The following CSMD2 variants were observed in gnomAD, a reference collection of about 807,000 sequenced individuals.
CSMD2 encodes the protein CUB and Sushi multiple domains 2.
A neutral mutation model predicts 398.5 loss-of-function variants in CSMD2; 130 were observed. The ratio of observed to expected loss-of-function variants is 0.33; its 90% CI spans 0.28 to 0.38. The LOEUF (loss-of-function observed/expected upper bound fraction) is 0.38, where lower values mean the gene tolerates loss of function less well. CSMD2 is among the 10% of genes least tolerant of loss of function. The pLI is 1.00. For synonymous variants in CSMD2, 1,828 were observed against 1,908.5 expected, an observed-to-expected ratio of 0.96 and a Z score of 1.10; for missense variants, 3,829 against 4,764.9, an observed-to-expected ratio of 0.80 and a Z score of 5.78.
chr1:33,726,782 GT>G, intron 15 of CSMD2, 97 bp from the exon 16 acceptor site: 4 of 1,327,062 alleles, frequency 3.0e-6, no homozygotes, highest in East Asian at 2.5e-5. Context: ...AATAAGTATA[GT>G]TTTTGTTTTT....
chr1:34,024,046 A>T (rs1221987602), intron 3 of CSMD2, among the ~76,000 whole-genome samples: 2 of 152,148 alleles, frequency 1.3e-5, no homozygotes, highest in Admixed American at 6.5e-5. Context: ...AGGTTGGGAG[A>T]CTTGCCCAAG....
At chr1:34,041,910 G>A (rs759561279) in intron 2 of CSMD2, among the ~76,000 whole-genome samples, 2 of 152,188 alleles carry the variant, frequency 1.3e-5, no homozygotes, top group African/African-American at 4.8e-5. Flanking sequence ...CACCTCTCAA[G>A]TTCAATCCAA....
chr1:33,600,196 G>A, intron 44 of CSMD2: 1 of 715,648 alleles, frequency 1.4e-6, no homozygotes, highest in Non-Finnish European at 2.6e-6. Flanking sequence ...GGAGCTGGGA[G>A]TAAAATCCAG....
In CSMD2 at chr1:33,541,387, C is replaced by G. The variant is rs1773024; in HGVS notation, c.9278-78G>C. On this transcript the variant is annotated intron_variant, in intron 58 of 70. Coordinates refer to ENST00000373381, the MANE Select transcript of CSMD2 (RefSeq NM_001281956.2). Reference sequence around the variant, plus strand: ...CCTCCAATACCATCCCTATCACTCCCTGCATGCATCCAAGAAGGGAAACTG... The same window carrying G: ...CCTCCAATACCATCCCTATCACTCCGTGCATGCATCCAAGAAGGGAAACTG... 6 of 1,072,238 alleles carry G rather than the reference C, an allele frequency of 5.6e-6. No individual in the cohort carries two copies. The Admixed American group carries it at 1.1e-4, about 19-fold the overall frequency. 66.4% of individuals were successfully genotyped at this position (1,072,238 alleles called of 1,614,324 possible).
Position 33,611,204 on chromosome 1 carries a change from G to A in CSMD2, c.6180C>T (p.Asp2060=). ...FLNFSTEPNH[D]YIEIRNGPYE... The stretch of plus-strand genomic sequence containing the variant: ...AGGGGCCATTCCGGATTTCTATGTA[G>A]TCGTGGTTGGGCTCGGTGGAGAAGT... Residue 2060 remains aspartate (D), a synonymous_variant, in exon 41 of 71, where the codon GAC becomes GAT. Transcript: ENST00000373381. 6.2e-7 allele frequency: 1 copy of A among 1,614,140 alleles called. No individual in the cohort carries two copies. The highest frequency in any genetic ancestry group is 8.5e-7 in the Non-Finnish European group (1 of 1,180,028).
intron 3 of CSMD2, among the ~76,000 whole-genome samples, chr1:33,936,561 C>T (rs1011634212): frequency 1.3e-5 from 2 of 152,192 alleles, no homozygotes; most frequent in Admixed American, 6.5e-5. Context: ...AATTGGGAGC[C>T]AGGAAACACC....
At chr1:33,950,654 G>C (rs1374373239) in intron 3 of CSMD2, among the ~76,000 whole-genome samples, 1 of 152,120 alleles carries the variant, frequency 6.6e-6, no homozygotes, top group African/African-American at 2.4e-5. Flanking sequence ...TACAGCAAAG[G>C]CTAGGCTACT....
In CSMD2 at chr1:33,559,435, G is replaced by A. The variant is rs1218905896; in HGVS notation, c.8419C>T (p.Leu2807Phe). 2 of 1,536,166 alleles carry A rather than the reference G, an allele frequency of 1.3e-6. No homozygotes were observed. The highest frequency in any genetic ancestry group is 1.2e-5 in the South Asian group (1 of 84,056). Residue 2807 changes from leucine to phenylalanine, a missense_variant, in exon 54 of 71, where the codon CTC (leucine) becomes TTC (phenylalanine). This residue lies in a region of CSMD2 where 917 missense variants were observed against 1,199.5 expected (regional missense o/e 0.76). Coordinates refer to ENST00000373381, the MANE Select transcript of CSMD2 (RefSeq NM_001281956.2). This position sits in a 1 kb window ranked among gnomAD's most constrained non-coding sequence, Gnocchi z 4.0. ...CGHPGNPVNG[L>F]TQGNQFNLND... ...AGGTTAAACTGGTTACCCTGAGTGA[G>A]GCCGTTGACAGGGTTGCCTGGGTGT...
chr1:34,143,728 G>A (rs556880681), intron 1 of CSMD2, among the ~76,000 whole-genome samples: 5 of 152,330 alleles, frequency 3.3e-5, no homozygotes, highest in Non-Finnish European at 7.4e-5. Context: ...AAAAGTCTTG[G>A]TGTTGCTACT....
chr1:33,822,467 C>T (rs983164868), intron 7 of CSMD2, among the ~76,000 whole-genome samples: 9 of 152,180 alleles, frequency 5.9e-5, no homozygotes, highest in Admixed American at 3.9e-4. Context: ...AGGATTTGGA[C>T]AGACTGTGTG....
intron 29 of CSMD2, among the ~76,000 whole-genome samples, chr1:33,645,790 G>A (rs1176682629): frequency 1.3e-5 from 2 of 152,294 alleles, no homozygotes; most frequent in East Asian, 1.9e-4. Context: ...GGCTTCAAGA[G>A]GTTCAATGCT....
chr1:33,652,918 C>T (rs565621307), intron 27 of CSMD2, among the ~76,000 whole-genome samples: 10 of 152,242 alleles, frequency 6.6e-5, no homozygotes, highest in East Asian at 3.9e-4. Context: ...CCATGCCCAC[C>T]TAATTTTTTT....
chr1:33,781,084 A>G (rs1039927333), intron 12 of CSMD2, among the ~76,000 whole-genome samples: 1 of 152,098 alleles, frequency 6.6e-6, no homozygotes, highest in African/African-American at 2.4e-5. Context: ...CCACCACTGG[A>G]GTGAAGTTCT....
At chr1:33,691,075 G>A (rs1645221468) in intron 25 of CSMD2, among the ~76,000 whole-genome samples, 1 of 152,144 alleles carries the variant, frequency 6.6e-6, no homozygotes, top group Non-Finnish European at 1.5e-5. Flanking sequence ...GAGGGAGGAG[G>A]GCGTTCCAGA....
At position 33,633,728 on chromosome 1, in the gene CSMD2, G is replaced by A. The variant is rs1330813569; in HGVS notation, c.5087-193C>T. Reference sequence around the variant, plus strand: ...CCAGACACCCGGCACAGGGAGGCGGGGAGCTGGGAAGGCCGGGCTGGCCTT... The same window carrying A: ...CCAGACACCCGGCACAGGGAGGCGGAGAGCTGGGAAGGCCGGGCTGGCCTT... On this transcript the variant is annotated intron_variant, in intron 31 of 70. Transcript: ENST00000373381. The surrounding 1 kb of genome is among the most constrained non-coding windows in gnomAD (Gnocchi z 5.0). 3.3e-5 allele frequency among the ~76,000 whole-genome samples: 5 copies of A among 152,188 alleles called. No homozygotes were observed. The highest frequency in any genetic ancestry group is 1.2e-4 in the African/African-American group (5 of 41,452).
rs146170990 is a variant in CSMD2, at chr1:34,033,814, G to A, written c.405-1108C>T. On this transcript the variant is annotated intron_variant, in intron 2 of 70. Coordinates refer to ENST00000373381, the MANE Select transcript of CSMD2 (RefSeq NM_001281956.2). ...ATATCCACTGAAGGGCATGAGTATC[G>A]GGCTCAGATGAGTTAAACCAGATAT... Among the ~76,000 whole-genome samples, 180 of 152,180 alleles carry A rather than the reference G, an allele frequency of 1.2e-3. 1 individual carries two copies. Among genetic ancestry groups the A allele is most frequent in the African/African-American group, 3.9e-3 (161 of 41,518 alleles).
chr1:33,913,645 C>T (rs1643576847), intron 5 of CSMD2, among the ~76,000 whole-genome samples: 1 of 152,154 alleles, frequency 6.6e-6, no homozygotes, highest in Admixed American at 6.5e-5. Flanking sequence ...GACACAACTA[C>T]TGAGAGGTGG....
At chr1:33,734,111 G>A (rs1319283165) in intron 15 of CSMD2, among the ~76,000 whole-genome samples, 1 of 152,170 alleles carries the variant, frequency 6.6e-6, no homozygotes, top group Non-Finnish European at 1.5e-5. Flanking sequence ...GCCAAAATGA[G>A]CTACCACCAC....
Position 33,822,286 on chromosome 1 carries a change from T to C in CSMD2, c.1112-1730A>G, listed in dbSNP as rs74479504. 2.9e-3 allele frequency among the ~76,000 whole-genome samples: 445 copies of C among 152,200 alleles called. 3 individuals carry two copies. The highest frequency in any genetic ancestry group is 9.9e-3 in the African/African-American group (413 of 41,516). ...GGGCATGAGGAGAAGGAGCAGGGCA[T>C]TTCCAGGATTTCCAGGGCCTGGGTA... is the stretch of plus-strand genomic sequence containing the variant. On this transcript the variant is annotated intron_variant, in intron 7 of 70. Transcript: ENST00000373381.
Sources: gnomAD v4.1 joint callset for allele counts (sites outside exome capture counted in the v4.1 genomes callset) on GRCh38, gnomAD v4.1.1 for gene constraint, gnomAD v4.1.1 regional missense constraint, Gnocchi (gnomAD v3.1) non-coding constraint, MANE v1.5 for transcripts, NCBI Gene and HGNC (gene_info 2026-07-23, HGNC 2026-07-21) for gene names.